RHD: variants seen among roughly 807,000 people sequenced by gnomAD.
RHD encodes the protein Rh blood group D antigen.
In RHD, 16 loss-of-function variants were observed where a neutral mutation model predicts 45.5. That is an observed-to-expected ratio of 0.35 (90% CI 0.24 to 0.53). The LOEUF is 0.53. RHD is among the 20% of genes least tolerant of loss of function. The pLI is 0.92. For synonymous variants in RHD, 131 were observed against 217.5 expected (o/e 0.60, Z 3.50); for missense variants, 306 against 532.0 (o/e 0.58, Z 4.18).
At chr1:25,277,667 G>A (rs1641127982) in intron 1 of RHD, among the ~76,000 whole-genome samples, 1 of 128,456 alleles carries the variant, frequency 7.8e-6, no homozygotes, top group Admixed American at 7.6e-5. Context: ...AAGAGTATTA[G>A]CTTTTATTAT....
rs150692975 is a variant in RHD, at chr1:25,297,673, C to T, written c.487-3273C>T. ...TATATCACCATGGGCTCCTGGATTC[C>T]GGTTTACACACTTCCATTTTCTGCC... On this transcript the variant is annotated intron_variant, in intron 3 of 9. Coordinates refer to ENST00000328664, the MANE Select transcript of RHD (RefSeq NM_016124.6). 4.5e-5 allele frequency among the ~76,000 whole-genome samples: 6 copies of T among 132,262 alleles called. No homozygotes were observed. The East Asian group carries it at 1.2e-3, about 26-fold the overall frequency. The allele number at this position is 132,262 out of a possible 152,430, so 86.8% of individuals were successfully genotyped here.
chr1:25,302,835 A>T (rs1302873771), intron 5 of RHD, among the ~76,000 whole-genome samples: 1 of 131,468 alleles, frequency 7.6e-6, no homozygotes, highest in African/African-American at 2.6e-5. Context: ...CTTATGAAGA[A>T]GGTACATCCA....
chr1:25,307,173 G>C (rs1485889459), intron 7 of RHD, among the ~76,000 whole-genome samples: 1 of 132,218 alleles, frequency 7.6e-6, no homozygotes, highest in Non-Finnish European at 1.8e-5. Context: ...CAGGACTGTT[G>C]GGATGCTACT....
chr1:25,309,459 G>T lies in RHD; in HGVS notation c.1073+2730G>T, dbSNP rs188240986. ...ATTTTAGCAACATTTTGTTTTCATT[G>T]TATCTCTTTTTACAGCTACCTCCCA... On this transcript the variant is annotated intron_variant, in intron 7 of 9. Transcript: ENST00000328664. Among the ~76,000 whole-genome samples the T allele has an allele frequency of 4.8e-4, 63 of 131,476 alleles. 15 individuals carry two copies. The highest frequency in any genetic ancestry group is 8.8e-4 in the Non-Finnish European group (49 of 55,852). 86.3% of individuals were successfully genotyped at this position (131,476 alleles called of 152,430 possible).
chr1:25,291,504 TGATA>T (rs111772627), intron 3 of RHD, among the ~76,000 whole-genome samples: 2,902 of 130,986 alleles, frequency 0.022, 379 homozygotes, highest in African/African-American at 0.067. Flanking sequence ...AAGAAAAGAT[TGATA>T]GATAGATAGA....
intron 3 of RHD, among the ~76,000 whole-genome samples, chr1:25,295,627 G>C (rs1477482402): frequency 5.7e-5 from 6 of 106,100 alleles, no homozygotes; most frequent in African/African-American, 1.9e-4. Context: ...GAGACGAGCG[G>C]TCAAGGAGCC....
At chr1:25,313,267 C>T (rs1644264189) in intron 7 of RHD, among the ~76,000 whole-genome samples, 1 of 131,744 alleles carries the variant, frequency 7.6e-6, no homozygotes, top group African/African-American at 2.6e-5. Flanking sequence ...AGAAGGTCCT[C>T]AACAGATGCC....
In RHD at chr1:25,329,217, T is replaced by C. The variant is rs1232416175; in HGVS notation, c.*293T>C. 7.4e-5 allele frequency: 49 copies of C among 661,174 alleles called. 13 individuals carry two copies. The highest frequency in any genetic ancestry group is 1.2e-4 in the Non-Finnish European group (49 of 395,494). The allele number at this position is 661,174 out of a possible 1,614,324, so 41.0% of individuals were successfully genotyped here. ...ATGGTGGTCATCCAGTAAGCTAAGG[T>C]TAATTTATTATTATTCCTTGTTTTT... On this transcript the variant is annotated 3_prime_UTR_variant, in exon 10 of 10. Coordinates refer to ENST00000328664, the MANE Select transcript of RHD (RefSeq NM_016124.6).
At chr1:25,272,797 T>C in intron 1 of RHD, 102 bp downstream of exon 1, 1 of 1,289,144 alleles carries the variant, frequency 7.8e-7, no homozygotes, top group Non-Finnish European at 1.1e-6. Flanking sequence ...TTCTACAAAA[T>C]CCCAAGGAAA....
chr1:25,299,396 A>G (rs1385286160), intron 3 of RHD, among the ~76,000 whole-genome samples: 1 of 130,052 alleles, frequency 7.7e-6, no homozygotes, highest in East Asian at 2.0e-4. Context: ...TAAATAAATA[A>G]ATAAATACAA....
Position 25,305,048 on chromosome 1 carries a change from T to A in RHD, c.940-1548T>A, listed in dbSNP as rs1341211050. On this transcript the variant is annotated intron_variant, in intron 6 of 9. Transcript: ENST00000328664. Reference sequence around the variant, plus strand: ...TCAAGCTATAGTTTAGTGAGCGAAATGGATACACACAATACAGTGTGAGAA... The same window carrying A: ...TCAAGCTATAGTTTAGTGAGCGAAAAGGATACACACAATACAGTGTGAGAA... Among the ~76,000 whole-genome samples, 4 of 132,420 alleles carry A rather than the reference T, an allele frequency of 3.0e-5. 1 individual carries two copies. Among genetic ancestry groups the A allele is most frequent in the Admixed American group, 2.9e-4 (4 of 13,648 alleles). The allele number at this position is 132,420 out of a possible 152,430, so 86.9% of individuals were successfully genotyped here.
intron 6 of RHD, chr1:25,304,506 G>A (rs1488325270): frequency 7.7e-6 from 1 of 129,436 alleles, no homozygotes; most frequent in African/African-American, 2.7e-5. Flanking sequence ...GCTGAGACAC[G>A]AGAATCACTT....
At chr1:25,284,796 G>A in intron 2 of RHD, 37 bp downstream of exon 2, 1 of 1,366,020 alleles carries the variant, frequency 7.3e-7, no homozygotes, top group Non-Finnish European at 1.0e-6. Context: ...CTGGGTCATA[G>A]AGGGAATGGA....
rs1253862962 is a variant in RHD, at chr1:25,318,474, G to C, written c.1153+1395G>C. 1.5e-5 allele frequency among the ~76,000 whole-genome samples: 2 copies of C among 130,914 alleles called. 1 individual carries two copies. The highest frequency in any genetic ancestry group is 3.6e-5 in the Non-Finnish European group (2 of 55,218). 85.9% of individuals were successfully genotyped at this position (130,914 alleles called of 152,430 possible). ...GTGGTGGCGTGTGCCTGTAGTCCCA[G>C]CTACTGGGGAGGCTGAAGTAGGGGA... On this transcript the variant is annotated intron_variant, in intron 8 of 9. Coordinates refer to ENST00000328664, the MANE Select transcript of RHD (RefSeq NM_016124.6).
rs551831298 is a variant in RHD at position 25,282,449 on chromosome 1, A to G, written c.149-2124A>G. On this transcript the variant is annotated intron_variant, in intron 1 of 9. Coordinates refer to ENST00000328664, the MANE Select transcript of RHD (RefSeq NM_016124.6). ...GGGGTTTCACCATGTTGGCCAGGCT[A>G]GTCTCGAACTGCTGACTTCATGATC... Among the ~76,000 whole-genome samples, 35 of 131,168 alleles carry G rather than the reference A, an allele frequency of 2.7e-4. 3 individuals carry two copies. In the East Asian group the frequency reaches 5.7e-3, roughly 21 times the overall value. The allele number at this position is 131,168 out of a possible 152,430, so 86.1% of individuals were successfully genotyped here.
In RHD at chr1:25,289,485, G is replaced by C. The variant is rs1642314199; in HGVS notation, c.336-1156G>C. ...GCTGGGAGTACAGGCATGAGCCACT[G>C]CACCCAGCCTTATAGGGTTAAAATT... On this transcript the variant is annotated intron_variant, in intron 2 of 9. Coordinates refer to ENST00000328664, the MANE Select transcript of RHD (RefSeq NM_016124.6). Among the ~76,000 whole-genome samples the C allele has an allele frequency of 1.5e-5, 2 of 132,736 alleles. 1 individual carries two copies. Among genetic ancestry groups the C allele is most frequent in the African/African-American group, 5.1e-5 (2 of 38,900 alleles). The allele number at this position is 132,736 out of a possible 152,430, so 87.1% of individuals were successfully genotyped here.
intron 1 of RHD, among the ~76,000 whole-genome samples, chr1:25,274,499 G>A (rs1269761801): frequency 2.3e-5 from 3 of 132,420 alleles, no homozygotes; most frequent in Non-Finnish European, 5.4e-5. Context: ...CACTTTATAC[G>A]GAAGCTCAGA....
In RHD at chr1:25,304,694, G is replaced by T. The variant is rs1435523323; in HGVS notation, c.939+1235G>T. The stretch of plus-strand genomic sequence containing the variant: ...TTGCAGCAACATGGATGGAACTGGA[G>T]GTAATTAAAAAATAAAATTAAATAA... On this transcript the variant is annotated intron_variant, in intron 6 of 9. Transcript: ENST00000328664. The T allele has an allele frequency of 3.0e-5, 4 of 131,360 alleles. No homozygotes were observed. In the East Asian group the frequency reaches 7.8e-4, roughly 26 times the overall value. 8.1% of individuals were successfully genotyped at this position (131,360 alleles called of 1,614,324 possible). A position where few individuals can be genotyped will look rare whatever the true frequency, so the allele number is the denominator to read the frequency against.
At chr1:25,282,841 G>A (rs1446125757) in intron 1 of RHD, among the ~76,000 whole-genome samples, 1 of 129,668 alleles carries the variant, frequency 7.7e-6, no homozygotes, top group Non-Finnish European at 1.8e-5. Context: ...GTTGCAGCGA[G>A]CCGAGATCGC....
Sources: gnomAD v4.1 joint callset for allele counts (sites outside exome capture counted in the v4.1 genomes callset) on GRCh38, gnomAD v4.1.1 for gene constraint, MANE v1.5 for transcripts, NCBI Gene and HGNC (gene_info 2026-07-23, HGNC 2026-07-21) for gene names.